LLGL1: variants seen among roughly 807,000 people sequenced by gnomAD.
The protein encoded by LLGL1 is LLGL scribble cell polarity complex component 1.
Under a neutral mutation model 110.6 loss-of-function variants are expected in LLGL1, and 58 were observed. The observed-to-expected ratio is 0.52, with a 90% CI of 0.42 to 0.65. The LOEUF (loss-of-function observed/expected upper bound fraction) is 0.65, where lower values mean the gene tolerates loss of function less well. Ranked by LOEUF, LLGL1 falls within the 30% of genes least tolerant of loss-of-function variation. The probability of loss-of-function intolerance (pLI) is 0.00; values close to 1 mark genes in which losing one functional copy is unlikely to be tolerated. For missense variants in LLGL1, 1,229 were observed against 1,462.1 expected (o/e 0.84, Z 2.60); for synonymous variants, 674 against 607.2 (o/e 1.11, Z -1.62).
chr17:18,234,734 G>GT (rs775261350), intron 8 of LLGL1, 31 bp downstream of exon 8: 2 of 1,614,030 alleles, frequency 1.2e-6, no homozygotes, highest in Non-Finnish European at 1.7e-6. Flanking sequence ...TCCGATGTGA[G>GT]TTGGGTCTGG....
At chr17:18,235,685 A>G (rs1285008474) in intron 11 of LLGL1, 148 bp downstream of exon 11, 5 of 718,178 alleles carry the variant, frequency 7.0e-6, no homozygotes, top group Admixed American at 5.7e-5. Context: ...GTGGTTTGGA[A>G]TGAAACCTCC....
At chr17:18,231,484 T>A (rs1380938673) in intron 2 of LLGL1, among the ~76,000 whole-genome samples, 1 of 152,170 alleles carries the variant, frequency 6.6e-6, no homozygotes, top group East Asian at 1.9e-4. Context: ...GGCCCTGCTG[T>A]CCACCATCAG....
At chr17:18,232,441 C>T in intron 2 of LLGL1, 54 bp from the exon 3 acceptor site, 1 of 1,507,316 alleles carries the variant, frequency 6.6e-7, no homozygotes, top group Non-Finnish European at 9.1e-7. Flanking sequence ...GGGTGTCTTC[C>T]TCACTGTGGT....
chr17:18,231,081 T>TG (rs1290754577), intron 2 of LLGL1, among the ~76,000 whole-genome samples: 1 of 152,184 alleles, frequency 6.6e-6, no homozygotes, highest in Non-Finnish European at 1.5e-5. Context: ...CCTCCTGTGT[T>TG]GGGGTCTCCA....
At chr17:18,237,975 C>G (rs1597873530) in intron 14 of LLGL1, 92 bp from the exon 15 acceptor site, 2 of 1,477,064 alleles carry the variant, frequency 1.4e-6, no homozygotes, top group Non-Finnish European at 9.2e-7. Flanking sequence ...GGCTGTGACT[C>G]CCTGACCTGG....
In LLGL1 at chr17:18,229,925, C is replaced by T; in HGVS notation, c.82-16C>T. The T allele has an allele frequency of 6.3e-7, 1 of 1,583,988 alleles. No homozygotes were observed. The highest frequency in any genetic ancestry group is 8.6e-7 in the Non-Finnish European group (1 of 1,162,276). On this transcript the variant is annotated splice_polypyrimidine_tract_variant and intron_variant, in intron 1 of 22. Coordinates refer to ENST00000316843, the MANE Select transcript of LLGL1 (RefSeq NM_004140.4). ...CCTGGGAGTGCTTACCCCCAGCAGCCCTCCCCTCCTTGCAGACTGTGGAGC... is the reference window on the plus strand; with the variant it reads ...CCTGGGAGTGCTTACCCCCAGCAGCTCTCCCCTCCTTGCAGACTGTGGAGC...
chr17:18,232,945 A>T (rs776457083), intron 4 of LLGL1, 143 bp downstream of exon 4: 1 of 1,086,266 alleles, frequency 9.2e-7, no homozygotes. Flanking sequence ...CCCAGGCTGC[A>T]GCTGTTGGAC....
Position 18,235,208 on chromosome 17 carries a change from G to A in LLGL1, c.1180G>A (p.Ala394Thr). 6.2e-7 allele frequency: 1 copy of A among 1,611,610 alleles called. No homozygotes were observed. The highest frequency in any genetic ancestry group is 8.5e-7 in the Non-Finnish European group (1 of 1,180,008). ...ATACCTGGCCCCGCTGCACTCCTCT[G>A]CAATCACTTGCTCGGCCCACGTGGC... ...APYLAPLHSS[A>T]ITCSAHVASV... The change falls in exon 10 of 23, where the codon GCA becomes ACA. Residue 394 changes from alanine to threonine, a missense_variant. Physicochemically the swap from Ala to Thr is moderately conservative, Grantham distance 58 (BLOSUM62 0). Transcript: ENST00000316843.
chr17:18,242,301 C>G, intron 20 of LLGL1, 23 bp downstream of exon 20: 1 of 1,600,192 alleles, frequency 6.2e-7, no homozygotes, highest in Non-Finnish European at 8.6e-7. Flanking sequence ...TGAAAGGGGT[C>G]CAGACCCTGG....
chr17:18,242,084 C>G, intron 19 of LLGL1, 82 bp from the exon 20 acceptor site: 1 of 1,539,188 alleles, frequency 6.5e-7, no homozygotes, highest in Non-Finnish European at 9.0e-7. Flanking sequence ...CTTCCCTGGG[C>G]TCAGGAGTGG....
chr17:18,229,927 TC>T lies in LLGL1; in HGVS notation c.82-10del. 6.3e-7 allele frequency: 1 copy of T among 1,591,344 alleles called. No homozygotes were observed. The stretch of plus-strand genomic sequence containing the variant: ...TGGGAGTGCTTACCCCCAGCAGCCC[TC>T]CCCTCCTTGCAGACTGTGGAGCATG... On this transcript the variant is annotated splice_polypyrimidine_tract_variant and intron_variant, in intron 1 of 22. Coordinates refer to ENST00000316843, the MANE Select transcript of LLGL1 (RefSeq NM_004140.4).
Position 18,238,213 on chromosome 17 carries a change from A to C in LLGL1, c.2051A>C (p.Lys684Thr), listed in dbSNP as rs750231815. ...GKKRAANASSKLQEANAQLAE... is the reference protein window; with the variant it reads ...GKKRAANASSTLQEANAQLAE... ...AAGCGGGCTGCTAATGCCAGCAGCA[A>C]GGTGAGCTGGGGTGGGCTGCACAGG... The change falls in exon 15 of 23, where the codon AAG (lysine) becomes ACG (threonine). Residue 684 changes from lysine (K) to threonine (T), a missense_variant and splice_region_variant. Lys to Thr is a moderately conservative substitution (Grantham distance 78). Coordinates refer to ENST00000316843, the MANE Select transcript of LLGL1 (RefSeq NM_004140.4). 1 of 1,610,802 alleles carries C rather than the reference A, an allele frequency of 6.2e-7. No homozygotes were observed. Among genetic ancestry groups the C allele is most frequent in the Admixed American group, 1.7e-5 (1 of 60,022 alleles).
At chr17:18,239,114 C>T (rs184506354) in intron 16 of LLGL1, among the ~76,000 whole-genome samples, 8 of 152,260 alleles carry the variant, frequency 5.3e-5, no homozygotes, top group Admixed American at 5.2e-4. Context: ...CTGGGTGGGC[C>T]TCTCAGATCT....
In LLGL1 at chr17:18,243,987, A is replaced by C. The variant is rs1213851083; in HGVS notation, c.*81A>C. Reference sequence around the variant, plus strand: ...ATCCCTGGCACCTGCCTGGCCCCTTAACATAGAACCACGCCTGCTAACCTG... The same window carrying C: ...ATCCCTGGCACCTGCCTGGCCCCTTCACATAGAACCACGCCTGCTAACCTG... On this transcript the variant is annotated 3_prime_UTR_variant, in exon 23 of 23. Coordinates refer to ENST00000316843, the MANE Select transcript of LLGL1 (RefSeq NM_004140.4). 6.6e-6 allele frequency: 1 copy of C among 152,646 alleles called. No homozygotes were observed. The highest frequency in any genetic ancestry group is 1.9e-4 in the East Asian group (1 of 5,186). The allele number at this position is 152,646 out of a possible 1,614,324, so 9.5% of individuals were successfully genotyped here. A position where few individuals can be genotyped will look rare whatever the true frequency, so the allele number is the denominator to read the frequency against.
intron 2 of LLGL1, 83 bp from the exon 3 acceptor site, chr17:18,232,412 C>G (rs1006739954): frequency 8.0e-7 from 1 of 1,252,182 alleles, no homozygotes; most frequent in African/African-American, 1.5e-5. Context: ...TGGAATAGTC[C>G]GGGTCAAGGA....
intron 1 of LLGL1, 46 bp downstream of exon 1, chr17:18,225,809 C>CGGAAGCCTGGGCT: frequency 2.1e-5 from 3 of 145,332 alleles, no homozygotes; most frequent in Non-Finnish European, 3.8e-5. Context: ...GGGGGCGGGA[C>CGGAAGCCTGGGCT]GGGGGCCTGG....
rs2047699181 is a variant in LLGL1 at position 18,236,588 on chromosome 17, A to G, written c.1353-19A>G. The G allele has an allele frequency of 6.3e-7, 1 of 1,598,254 alleles. No individual in the cohort carries two copies. Among genetic ancestry groups the G allele is most frequent in the Non-Finnish European group, 8.5e-7 (1 of 1,169,870 alleles). Reference sequence around the variant, plus strand: ...CCTCCCAGGAACTCGGGTAGCCCTGACATCTGCCCTCCCTGCAGCCATGAG... The same window carrying G: ...CCTCCCAGGAACTCGGGTAGCCCTGGCATCTGCCCTCCCTGCAGCCATGAG... On this transcript the variant is annotated intron_variant, in intron 11 of 22. Transcript: ENST00000316843.
At chr17:18,238,028 G>T in intron 14 of LLGL1, 39 bp from the exon 15 acceptor site, 1 of 1,606,804 alleles carries the variant, frequency 6.2e-7, no homozygotes. Context: ...TGCCCCAGGA[G>T]GCTGCTCTAT....
At position 18,242,766 on chromosome 17, in the gene LLGL1, A is replaced by G; in HGVS notation, c.3140A>G (p.Asn1047Ser). ...AGCTCCTCTGAGGAGTCAGAGAAGA[A>G]CCTGAGGAACCTGGCAGAAGACGAG... is the stretch of plus-strand genomic sequence containing the variant. ...FLGSSEESEK[N>S]LRNLAEDEAH... Residue 1047 changes from asparagine to serine, a missense_variant, in exon 22 of 23, where the codon AAC becomes AGC. Transcript: ENST00000316843. The G allele has an allele frequency of 6.4e-7, 1 of 1,569,174 alleles. No homozygotes were observed. Among genetic ancestry groups the G allele is most frequent in the Non-Finnish European group, 8.6e-7 (1 of 1,156,596 alleles).
Sources: gnomAD v4.1 joint callset for allele counts (sites outside exome capture counted in the v4.1 genomes callset) on GRCh38, gnomAD v4.1.1 for gene constraint, MANE v1.5 for transcripts, NCBI Gene and HGNC (gene_info 2026-07-23, HGNC 2026-07-21) for gene names.